Variants in CTSD observed in about 807,000 individuals in gnomAD.
CTSD encodes ceroid-lipofuscinosis, neuronal 10.
In CTSD, 28 loss-of-function variants were observed where a neutral mutation model predicts 43.6. The observed-to-expected ratio is 0.64, with a 90% CI of 0.48 to 0.88. CTSD has a LOEUF of 0.88. CTSD is among the 40% of genes least tolerant of loss of function. CTSD has a pLI of 0.00. For synonymous variants in CTSD, 270 were observed against 249.8 expected, an observed-to-expected ratio of 1.08 and a Z score of -0.76; for missense variants, 485 against 555.2, an observed-to-expected ratio of 0.87 and a Z score of 1.27.
intron 4 of CTSD, 97 bp from the exon 5 acceptor site, chr11:1,757,653 T>A: frequency 9.9e-7 from 1 of 1,013,792 alleles, no homozygotes; most frequent in Non-Finnish European, 1.5e-6. Context: ...TGGATGCCCA[T>A]CCCACACACG....
intron 2 of CTSD, 79 bp downstream of exon 2, chr11:1,761,230 G>A (rs1169943823): frequency 1.1e-5 from 16 of 1,520,848 alleles, no homozygotes; most frequent in Non-Finnish European, 1.4e-5. Flanking sequence ...AGAACAGGAG[G>A]TGGGAATGTT....
rs756769986 is a variant in CTSD at position 1,759,542 on chromosome 11, T to C, written c.326A>G (p.His109Arg). The C allele has an allele frequency of 2.5e-6, 4 of 1,613,550 alleles. No individual in the cohort carries two copies. The highest frequency in any genetic ancestry group is 1.3e-5 in the African/African-American group (1 of 75,054). The change falls in exon 3 of 9, where the codon CAC becomes CGC. Residue 109 changes from histidine (H) to arginine (R), a missense_variant. Transcript: ENST00000236671. ...GCAAGCGATGTCCAGCAGTTTGCAG[T>C]GGATGGAGGGGACCCACAGGTTGGA... ...GSSNLWVPSI[H>R]CKLLDIACWI... is the part of the protein sequence containing the mutation.
intron 2 of CTSD, chr11:1,760,899 TG>T (rs1221235135): frequency 3.5e-6 from 1 of 288,234 alleles, no homozygotes; most frequent in Non-Finnish European, 7.0e-6. Flanking sequence ...GAAGGAGTAG[TG>T]GGCACAGGAG....
chr11:1,761,763 A>G, intron 1 of CTSD: 1 of 494,746 alleles, frequency 2.0e-6, no homozygotes. Context: ...TCCTCTCCTC[A>G]GCCATTCTGG....
At chr11:1,754,356 A>G (rs537882135) in intron 6 of CTSD, 5 of 481,378 alleles carry the variant, frequency 1.0e-5, no homozygotes, top group Non-Finnish European at 1.9e-5. Flanking sequence ...GGTGAGGGGC[A>G]TGGAGGGATG....
At chr11:1,753,773 G>A in intron 8 of CTSD, 30 bp downstream of exon 8, 1 of 1,609,312 alleles carries the variant, frequency 6.2e-7, no homozygotes, top group African/African-American at 1.3e-5. Flanking sequence ...CCGCTCACCT[G>A]GGGCGTGCGG....
chr11:1,759,405 C>A (rs1473263981), intron 3 of CTSD, 111 bp downstream of exon 3: 8 of 1,503,846 alleles, frequency 5.3e-6, no homozygotes, highest in African/African-American at 1.4e-5. Flanking sequence ...GCCTGGCTCA[C>A]GGGGCCAAGA....
chr11:1,761,209 C>T, intron 2 of CTSD, 100 bp downstream of exon 2: 1 of 1,404,766 alleles, frequency 7.1e-7, no homozygotes, highest in South Asian at 1.2e-5. Flanking sequence ...GCCACTCAAA[C>T]TGCGCTGCTG....
chr11:1,758,418 C>T (rs1051639921), intron 4 of CTSD, among the ~76,000 whole-genome samples: 1 of 152,134 alleles, frequency 6.6e-6, no homozygotes, highest in African/African-American at 2.4e-5. Context: ...GTGACAAGGG[C>T]CAGCTCACCC....
At position 1,759,533 on chromosome 11, in the gene CTSD, A is replaced by C; in HGVS notation, c.335T>G (p.Leu112Arg). ...NLWVPSIHCK[L>R]LDIACWIHHK... is the part of the protein sequence containing the mutation. Reference sequence around the variant, plus strand: ...TGACTCACAGCAAGCGATGTCCAGCAGTTTGCAGTGGATGGAGGGGACCCA... The same window carrying C: ...TGACTCACAGCAAGCGATGTCCAGCCGTTTGCAGTGGATGGAGGGGACCCA... The change falls in exon 3 of 9, where the codon CTG (leucine) becomes CGG (arginine). Residue 112 changes from leucine (L) to arginine (R), a missense_variant. Physicochemically the swap from Leu to Arg is moderately radical, Grantham distance 102. Coordinates refer to ENST00000236671, the MANE Select transcript of CTSD (RefSeq NM_001909.5). The C allele has an allele frequency of 1.9e-6, 3 of 1,613,570 alleles. No homozygotes were observed. Among genetic ancestry groups the C allele is most frequent in the Non-Finnish European group, 2.5e-6 (3 of 1,179,992 alleles).
chr11:1,754,773 C>A, intron 6 of CTSD, 133 bp downstream of exon 6: 2 of 1,147,228 alleles, frequency 1.7e-6, no homozygotes, highest in South Asian at 1.3e-5. Context: ...CTGGTCTGAC[C>A]CCATCTCTTT....
chr11:1,758,519 T>C (rs1428065193), intron 4 of CTSD, among the ~76,000 whole-genome samples: 2 of 152,054 alleles, frequency 1.3e-5, no homozygotes, highest in African/African-American at 2.4e-5. Context: ...CCCCCTCCCT[T>C]GCCCTCCCAG....
At position 1,753,583 on chromosome 11, in the gene CTSD, C is replaced by T. The variant is rs764522039; in HGVS notation, c.1159G>A (p.Asp387Asn). ...GTGTAGTAGCGGCCGATGAAGACGT[C>T]GCCCAGGATCCAGAGTGGCCCGCTG... ...PPSGPLWILG[D>N]VFIGRYYTVF... Residue 387 changes from aspartate (D) to asparagine (N), a missense_variant, in exon 9 of 9, where the codon GAC (aspartate) becomes AAC (asparagine). Physicochemically the swap from Asp to Asn is conservative, Grantham distance 23 (BLOSUM62 1). Coordinates refer to ENST00000236671, the MANE Select transcript of CTSD (RefSeq NM_001909.5). The T allele has an allele frequency of 2.3e-5, 37 of 1,612,990 alleles. No homozygotes were observed. The highest frequency in any genetic ancestry group is 4.0e-5 in the African/African-American group (3 of 74,912).
intron 7 of CTSD, 43 bp downstream of exon 7, chr11:1,753,950 TC>T: frequency 6.2e-7 from 1 of 1,610,106 alleles, no homozygotes; most frequent in Non-Finnish European, 8.5e-7. Flanking sequence ...GCCTTGGGGC[TC>T]CCCCTGCCAG....
In CTSD at chr11:1,754,701, A is replaced by G. The variant is rs192542825; in HGVS notation, c.827+205T>C. On this transcript the variant is annotated intron_variant, in intron 6 of 8. Transcript: ENST00000236671. ...GGAGGAAATGGAGGGATGGAGGGAT[A>G]GAGGGAATAGAGGGGATGGAGGTGA... is the stretch of plus-strand genomic sequence containing the variant. Among the ~76,000 whole-genome samples, 153 of 144,764 alleles carry G rather than the reference A, an allele frequency of 1.1e-3. 1 individual carries two copies. Among genetic ancestry groups the G allele is most frequent in the Admixed American group, 1.7e-3 (25 of 14,494 alleles). The allele number at this position is 144,764 out of a possible 152,430, so 95.0% of individuals were successfully genotyped here. A position where few individuals can be genotyped will look rare whatever the true frequency, so the allele number is the denominator to read the frequency against.
At chr11:1,762,810 G>C (rs1330293098) in intron 1 of CTSD, among the ~76,000 whole-genome samples, 1 of 152,150 alleles carries the variant, frequency 6.6e-6, no homozygotes, top group African/African-American at 2.4e-5. Flanking sequence ...CCCCCACAAC[G>C]ACTTTAATTG....
Position 1,759,092 on chromosome 11 carries a change from C to T in CTSD, c.353-5G>A, listed in dbSNP as rs926251713. The T allele has an allele frequency of 1.2e-6, 2 of 1,608,328 alleles. No individual in the cohort carries two copies. Among genetic ancestry groups the T allele is most frequent in the Non-Finnish European group, 1.7e-6 (2 of 1,174,774 alleles). On this transcript the variant is annotated splice_polypyrimidine_tract_variant and splice_region_variant and intron_variant, in intron 3 of 8. Transcript: ENST00000236671. ...TGTTGTACTTGTGGTGGATCCCTGC[C>T]CCGGGCGACAAGGGGGCCCGCCGGT...
chr11:1,760,855 C>T, intron 2 of CTSD: 1 of 244,140 alleles, frequency 4.1e-6, no homozygotes, highest in Non-Finnish European at 8.4e-6. Context: ...TAGGTGGCTT[C>T]CAGAGTGCTC....
chr11:1,753,369 C>T lies in CTSD; in HGVS notation c.*134G>A, dbSNP rs1388870007. 4 of 1,097,930 alleles carry T rather than the reference C, an allele frequency of 3.6e-6. No individual in the cohort carries two copies. Among genetic ancestry groups the T allele is most frequent in the Admixed American group, 1.8e-5 (1 of 55,984 alleles). 68.0% of individuals were successfully genotyped at this position (1,097,930 alleles called of 1,614,324 possible). ...AACAAAACAGCAAGTCGGGCTTGGGCCGCCGGCTTCCAGGGCGCCCAGGAC... is the reference window on the plus strand; with the variant it reads ...AACAAAACAGCAAGTCGGGCTTGGGTCGCCGGCTTCCAGGGCGCCCAGGAC... On this transcript the variant is annotated 3_prime_UTR_variant, in exon 9 of 9. Transcript: ENST00000236671.
Sources: gnomAD v4.1 joint callset for allele counts (sites outside exome capture counted in the v4.1 genomes callset) on GRCh38, gnomAD v4.1.1 for gene constraint, MANE v1.5 for transcripts, NCBI Gene and HGNC (gene_info 2026-07-23, HGNC 2026-07-21) for gene names.